The following CCDC85A variants were observed in gnomAD, a reference collection of about 807,000 sequenced individuals.
The protein encoded by CCDC85A is coiled-coil domain-containing protein 85A.
CCDC85A carries 38 observed loss-of-function variants against 50.2 expected under a neutral mutation model. That is an observed-to-expected ratio of 0.76 (90% CI 0.58 to 0.99). The LOEUF is 0.99. Among genes scored for constraint, CCDC85A ranks in the 50% least tolerant of loss-of-function variants. The pLI is 0.00. For missense variants in CCDC85A, 820 were observed against 742.0 expected (o/e 1.11, Z -1.22); for synonymous variants, 366 against 301.4 (o/e 1.21, Z -2.22).
Position 56,384,283 on chromosome 2 carries a change from T to G in CCDC85A, c.1590T>G (p.Leu530=). 6.2e-7 allele frequency: 1 copy of G among 1,611,100 alleles called. No homozygotes were observed. Among genetic ancestry groups the G allele is most frequent in the Non-Finnish European group, 8.5e-7 (1 of 1,178,068 alleles). ...TTTTTAAGGTTGTGTGGAGGAAACT[T>G]GGAGATGCTGCAGGTTCGTGTCCTG... ...VHSLKVVWRK[L]GDAAGSCPGI... is the part of the protein sequence containing the mutation. Residue 530 remains leucine (L), a synonymous_variant, in exon 6 of 6, where the codon CTT becomes CTG. Transcript: ENST00000407595.
intron 3 of CCDC85A, among the ~76,000 whole-genome samples, chr2:56,354,784 A>C (rs1386453733): frequency 1.3e-5 from 2 of 152,212 alleles, no homozygotes; most frequent in Admixed American, 1.3e-4. Flanking sequence ...AGGGGCCTTC[A>C]ATGGCTTGGT....
chr2:56,370,420 A>G (rs1676013469), intron 3 of CCDC85A, among the ~76,000 whole-genome samples: 1 of 152,072 alleles, frequency 6.6e-6, no homozygotes, highest in South Asian at 2.1e-4. Flanking sequence ...AAAAATATAT[A>G]TGCTGACATG....
At position 56,193,005 on chromosome 2, in the gene CCDC85A, G is replaced by A. The variant is rs761071143; in HGVS notation, c.805G>A (p.Asp269Asn). The stretch of plus-strand genomic sequence containing the variant: ...GAAACCCAGAGCCTGTGGAACCCCA[G>A]ATCGCCCCAAAGCACTCAAAGGACC... ...PQKPRACGTP[D>N]RPKALKGPSP... The change falls in exon 2 of 6, where the codon GAT becomes AAT. Residue 269 changes from aspartate (D) to asparagine (N), a missense_variant. By Grantham distance (23) the Asp-to-Asn change is conservative (BLOSUM62 1). Transcript: ENST00000407595. 1.9e-6 allele frequency: 3 copies of A among 1,613,626 alleles called. No homozygotes were observed. The highest frequency in any genetic ancestry group is 2.2e-5 in the South Asian group (2 of 91,064).
chr2:56,275,667 T>C (rs1210607592), intron 2 of CCDC85A, among the ~76,000 whole-genome samples: 1 of 152,238 alleles, frequency 6.6e-6, no homozygotes, highest in African/African-American at 2.4e-5. Flanking sequence ...TGTTCTAGTT[T>C]TAATCCGGCT....
At chr2:56,281,022 C>T (rs1671183525) in intron 2 of CCDC85A, among the ~76,000 whole-genome samples, 1 of 151,914 alleles carries the variant, frequency 6.6e-6, no homozygotes, top group Admixed American at 6.6e-5. Flanking sequence ...AGAGTATGTC[C>T]ACGTAACCAA....
At chr2:56,332,556 T>A (rs1673862782) in intron 2 of CCDC85A, among the ~76,000 whole-genome samples, 1 of 152,098 alleles carries the variant, frequency 6.6e-6, no homozygotes, top group Non-Finnish European at 1.5e-5. Flanking sequence ...TTCAACATAC[T>A]TATTTTGGAG....
At chr2:56,363,504 T>C (rs1260323981) in intron 3 of CCDC85A, among the ~76,000 whole-genome samples, 1 of 152,204 alleles carries the variant, frequency 6.6e-6, no homozygotes, top group Non-Finnish European at 1.5e-5. Flanking sequence ...TACAAGAAGC[T>C]GACTCTTCTT....
chr2:56,193,476 G>T, intron 2 of CCDC85A, 36 bp downstream of exon 2: 1 of 1,549,742 alleles, frequency 6.5e-7, no homozygotes, highest in East Asian at 2.3e-5. Flanking sequence ...GCTTGGGCTG[G>T]GGAACTCAGT....
At chr2:56,211,151 GT>G (rs1458921667) in intron 2 of CCDC85A, among the ~76,000 whole-genome samples, 1 of 152,028 alleles carries the variant, frequency 6.6e-6, no homozygotes, top group African/African-American at 2.4e-5. Flanking sequence ...GTTAGGGTTT[GT>G]TTTTGTCAGT....
chr2:56,289,432 G>A (rs1294068781), intron 2 of CCDC85A, among the ~76,000 whole-genome samples: 2 of 152,198 alleles, frequency 1.3e-5, no homozygotes, highest in Admixed American at 6.5e-5. Context: ...AAAGGCATCT[G>A]AGCCAAGTCT....
chr2:56,355,424 G>A (rs1675173914), intron 3 of CCDC85A, among the ~76,000 whole-genome samples: 1 of 151,884 alleles, frequency 6.6e-6, no homozygotes, highest in Admixed American at 6.6e-5. Context: ...CTTACCTTTG[G>A]GAGAACTCTT....
chr2:56,332,676 C>G (rs1460748771), intron 2 of CCDC85A, among the ~76,000 whole-genome samples: 1 of 130,648 alleles, frequency 7.7e-6, no homozygotes, highest in African/African-American at 2.8e-5. Context: ...TCTCTCACTG[C>G]CCCCCCTTTT....
chr2:56,272,192 A>G (rs1182693423), intron 2 of CCDC85A, among the ~76,000 whole-genome samples: 2 of 152,176 alleles, frequency 1.3e-5, no homozygotes, highest in African/African-American at 4.8e-5. Context: ...GTTAAAGAAT[A>G]TGGGATAGGT....
chr2:56,239,619 G>C (rs1669168867), intron 2 of CCDC85A, among the ~76,000 whole-genome samples: 2 of 152,150 alleles, frequency 1.3e-5, no homozygotes, highest in South Asian at 4.1e-4. Flanking sequence ...TCATTGAACA[G>C]TGTTTCTGAG....
At chr2:56,353,357 T>C (rs565889658) in intron 3 of CCDC85A, among the ~76,000 whole-genome samples, 2 of 152,342 alleles carry the variant, frequency 1.3e-5, no homozygotes, top group African/African-American at 4.8e-5. Flanking sequence ...AGTTCTAGTT[T>C]TCCCTAACAA....
At chr2:56,251,988 C>G (rs1364078836) in intron 2 of CCDC85A, among the ~76,000 whole-genome samples, 2 of 151,408 alleles carry the variant, frequency 1.3e-5, no homozygotes, top group Non-Finnish European at 2.9e-5. Context: ...TTCAGTTTGA[C>G]CTAGTCTTTT....
At chr2:56,326,478 A>G (rs1336333006) in intron 2 of CCDC85A, among the ~76,000 whole-genome samples, 2 of 152,142 alleles carry the variant, frequency 1.3e-5, no homozygotes, top group Non-Finnish European at 2.9e-5. Flanking sequence ...GTGAAACTAG[A>G]AGGGCCCAAA....
chr2:56,322,585 C>T (rs1205852182), intron 2 of CCDC85A, among the ~76,000 whole-genome samples: 4 of 152,230 alleles, frequency 2.6e-5, no homozygotes, highest in African/African-American at 7.2e-5. Flanking sequence ...AAACCAAAAC[C>T]ACAATGAGAT....
chr2:56,347,863 A>AT (rs1302267234), intron 3 of CCDC85A, among the ~76,000 whole-genome samples: 3 of 152,184 alleles, frequency 2.0e-5, no homozygotes, highest in African/African-American at 7.2e-5. Flanking sequence ...GGTCACAAAG[A>AT]TTTTTTAATC....
Sources: allele counts gnomAD v4.1 joint callset (sites outside exome capture counted in the v4.1 genomes callset), GRCh38; gene constraint gnomAD v4.1.1; transcripts MANE v1.5; gene names NCBI Gene and HGNC (gene_info 2026-07-23, HGNC 2026-07-21).